The following CPEB4 variants were observed in gnomAD, a reference collection of about 807,000 sequenced individuals.
The protein encoded by CPEB4 is cytoplasmic polyadenylation element binding protein 4.
Under a neutral mutation model 72.5 loss-of-function variants are expected in CPEB4, and 12 were observed. That is an observed-to-expected ratio of 0.17 (90% CI 0.11 to 0.27). CPEB4 has a LOEUF of 0.27. Ranked by LOEUF, CPEB4 falls within the 10% of genes least tolerant of loss-of-function variation. CPEB4 has a pLI of 1.00. For synonymous variants in CPEB4, 302 were observed against 326.3 expected, an observed-to-expected ratio of 0.93 and a Z score of 0.80; for missense variants, 614 against 908.5, an observed-to-expected ratio of 0.68 and a Z score of 4.17.
intron 9 of CPEB4, among the ~76,000 whole-genome samples, chr5:173,954,946 T>A (rs72812858): frequency 0.074 from 11,260 of 152,042 alleles, 446 homozygotes; most frequent in South Asian, 0.12. Context: ...AGTTAAAAAA[T>A]TTTTTTTAGA....
At chr5:173,893,036 T>TGAGTGA (rs1755872310) in intron 1 of CPEB4, 1 of 100,922 alleles carries the variant, frequency 9.9e-6, no homozygotes, top group African/African-American at 3.3e-5. Flanking sequence ...TGTGTGTGTG[T>TGAGTGA]GAGAGAGAGA....
Position 173,955,819 on chromosome 5 carries a change from A to T in CPEB4, c.1963-91A>T, listed in dbSNP as rs2113309293. On this transcript the variant is annotated intron_variant, in intron 9 of 9. Coordinates refer to ENST00000265085, the MANE Select transcript of CPEB4 (RefSeq NM_030627.4). This position sits in a 1 kb window ranked among gnomAD's most constrained non-coding sequence, Gnocchi z 4.7. ...TTCCTCTTTGGGCACCTTGGAACAG[A>T]TTCATTCAGATAGTGGGTGGAAATG... The T allele has an allele frequency of 3.0e-6, 3 of 991,874 alleles. No individual in the cohort carries two copies. The highest frequency in any genetic ancestry group is 2.4e-5 in the East Asian group (1 of 41,536). The allele number at this position is 991,874 out of a possible 1,614,324, so 61.4% of individuals were successfully genotyped here. A position where few individuals can be genotyped will look rare whatever the true frequency, so the allele number is the denominator to read the frequency against.
intron 1 of CPEB4, among the ~76,000 whole-genome samples, chr5:173,894,823 G>T (rs796153517): frequency 6.6e-6 from 1 of 152,056 alleles, no homozygotes; most frequent in South Asian, 2.1e-4. Context: ...GTGCAGGTGG[G>T]GCTGGAAGGG....
At chr5:173,894,184 A>G (rs1304389290) in intron 1 of CPEB4, among the ~76,000 whole-genome samples, 1 of 152,036 alleles carries the variant, frequency 6.6e-6, no homozygotes, top group East Asian at 1.9e-4. Flanking sequence ...TTGTAGAGAC[A>G]GGGTTTCACC....
intron 2 of CPEB4, among the ~76,000 whole-genome samples, chr5:173,925,189 T>C (rs1757202319): frequency 6.6e-6 from 1 of 152,156 alleles, no homozygotes; most frequent in Non-Finnish European, 1.5e-5. Context: ...GGAAGGGAAA[T>C]GGCAGTGTGG....
In CPEB4 at chr5:173,950,208, CTTG is replaced by C. The variant is rs1758168741; in HGVS notation, c.1665+135_1665+137del. 3.5e-6 allele frequency: 2 copies of C among 563,486 alleles called. No individual in the cohort carries two copies. Among genetic ancestry groups the C allele is most frequent in the Non-Finnish European group, 3.1e-6 (1 of 321,508 alleles). 34.9% of individuals were successfully genotyped at this position (563,486 alleles called of 1,614,324 possible). On this transcript the variant is annotated intron_variant, in intron 7 of 9. Transcript: ENST00000265085. The surrounding 1 kb of genome is among the most constrained non-coding windows in gnomAD (Gnocchi z 5.0). Reference sequence around the variant, plus strand: ...CATGTTTGTAAGCAGACTAAGTAGTCTTGTTGTGAAGTTCTTAACATTGACATT... The same window carrying C: ...CATGTTTGTAAGCAGACTAAGTAGTCTTGTGAAGTTCTTAACATTGACATT...
rs62378660 is a variant in CPEB4 at position 173,955,774 on chromosome 5, A to G, written c.1963-136A>G. On this transcript the variant is annotated intron_variant, in intron 9 of 9. Transcript: ENST00000265085. This position sits in a 1 kb window ranked among gnomAD's most constrained non-coding sequence, Gnocchi z 4.7. ...TTAAAAGATGAACTATCCATATTTC[A>G]GTAAATGAATAATTAGTCCTTCCTC... 0.12 allele frequency: 75,215 copies of G among 615,918 alleles called. 5,589 individuals carry two copies. The highest frequency in any genetic ancestry group is 0.2 in the Middle Eastern group (766 of 3,838). 38.2% of individuals were successfully genotyped at this position (615,918 alleles called of 1,614,324 possible).
At chr5:173,923,365 C>T (rs890375719) in intron 2 of CPEB4, among the ~76,000 whole-genome samples, 5 of 152,132 alleles carry the variant, frequency 3.3e-5, no homozygotes, top group Non-Finnish European at 5.9e-5. Context: ...CTAATTAGAT[C>T]TCTTGTGGCT....
chr5:173,949,567 G>A lies in CPEB4; in HGVS notation c.1516G>A (p.Ala506Thr). 6.2e-7 allele frequency: 1 copy of A among 1,613,152 alleles called. No homozygotes were observed. The highest frequency in any genetic ancestry group is 1.7e-4 in the Middle Eastern group (1 of 6,056). Residue 506 changes from alanine (A) to threonine (T), a missense_variant, in exon 6 of 10, where the codon GCT (alanine) becomes ACT (threonine). Transcript: ENST00000265085. Reference protein sequence around the residue: ...GPLIVDWPHKAESKSYFPPKG... With the variant: ...GPLIVDWPHKTESKSYFPPKG... Reference sequence around the variant, plus strand: ...TCTGATTGTGGATTGGCCTCATAAAGCTGAGAGCAAATCCTATTTTCCTCC... The same window carrying A: ...TCTGATTGTGGATTGGCCTCATAAAACTGAGAGCAAATCCTATTTTCCTCC...
At chr5:173,926,298 C>T (rs1757239003) in intron 2 of CPEB4, among the ~76,000 whole-genome samples, 1 of 151,996 alleles carries the variant, frequency 6.6e-6, no homozygotes, top group Non-Finnish European at 1.5e-5. Context: ...GGAGGATTTC[C>T]TCTGGTCTTT....
chr5:173,898,641 C>T (rs1756111719), intron 1 of CPEB4, among the ~76,000 whole-genome samples: 1 of 152,202 alleles, frequency 6.6e-6, no homozygotes, highest in African/African-American at 2.4e-5. Context: ...TTCTTAAAAT[C>T]TGAAAACCCG....
chr5:173,927,162 TA>T (rs1757271797), intron 2 of CPEB4, among the ~76,000 whole-genome samples: 1 of 151,642 alleles, frequency 6.6e-6, no homozygotes, highest in Non-Finnish European at 1.5e-5. Flanking sequence ...AAAAATAAAA[TA>T]AAAAAGATGA....
chr5:173,924,896 C>T (rs1031333626), intron 2 of CPEB4, among the ~76,000 whole-genome samples: 13 of 152,220 alleles, frequency 8.5e-5, no homozygotes, highest in African/African-American at 3.1e-4. Flanking sequence ...TGCCCTACAG[C>T]AAGAGATTAA....
intron 5 of CPEB4, among the ~76,000 whole-genome samples, chr5:173,946,961 C>T (rs1758039041): frequency 6.6e-6 from 1 of 151,928 alleles, no homozygotes; most frequent in African/African-American, 2.4e-5. Flanking sequence ...ACCTTTTTCC[C>T]CCCCAAGATA....
intron 9 of CPEB4, among the ~76,000 whole-genome samples, chr5:173,954,967 C>T (rs1469315165): frequency 6.6e-6 from 1 of 152,090 alleles, no homozygotes; most frequent in Non-Finnish European, 1.5e-5. Flanking sequence ...GGGAGGGTCT[C>T]ACTCTGTCAC....
intron 9 of CPEB4, 128 bp downstream of exon 9, chr5:173,953,400 A>G: frequency 1.7e-6 from 1 of 604,840 alleles, no homozygotes; most frequent in Non-Finnish European, 2.8e-6. Context: ...AGAGTTAATT[A>G]TGGTCTATAA....
Position 173,915,161 on chromosome 5 carries a change from T to C in CPEB4, c.1207+4557T>C, listed in dbSNP as rs568382232. ...TTTTTACTATCAACAAAATGCTTAA[T>C]AGTCCTAGGAACGTTCAAGTACAGT... On this transcript the variant is annotated intron_variant, in intron 2 of 9. Coordinates refer to ENST00000265085, the MANE Select transcript of CPEB4 (RefSeq NM_030627.4). Among the ~76,000 whole-genome samples, 23 of 152,338 alleles carry C rather than the reference T, an allele frequency of 1.5e-4. No individual in the cohort carries two copies. In the East Asian group the frequency reaches 4.4e-3, roughly 29 times the overall value.
intron 1 of CPEB4, among the ~76,000 whole-genome samples, chr5:173,896,505 T>G (rs532477293): frequency 1.3e-5 from 2 of 152,352 alleles, no homozygotes; most frequent in South Asian, 4.1e-4. Flanking sequence ...GATACTATTT[T>G]CAATCAGTTT....
At chr5:173,947,762 AAAT>A (rs1256368545) in intron 5 of CPEB4, among the ~76,000 whole-genome samples, 19 of 152,278 alleles carry the variant, frequency 1.2e-4, no homozygotes, top group Middle Eastern at 3.4e-3. Context: ...GAAGACTTAG[AAAT>A]AATGAATACT....
Sources: gnomAD v4.1 joint callset for allele counts (sites outside exome capture counted in the v4.1 genomes callset) on GRCh38, gnomAD v4.1.1 for gene constraint, Gnocchi (gnomAD v3.1) non-coding constraint, MANE v1.5 for transcripts, NCBI Gene and HGNC (gene_info 2026-07-23, HGNC 2026-07-21) for gene names.